Variants in RBFOX3 observed in about 807,000 individuals in gnomAD.
The protein encoded by RBFOX3 is RNA binding fox-1 homolog 3, also known as RNA binding protein fox-1 homolog 3.
A neutral mutation model predicts 48.7 loss-of-function variants in RBFOX3; 17 were observed. The observed-to-expected ratio is 0.35, with a 90% CI of 0.24 to 0.52. The LOEUF (loss-of-function observed/expected upper bound fraction) is 0.52. Among genes scored for constraint, RBFOX3 ranks in the 20% least tolerant of loss-of-function variants. The probability of loss-of-function intolerance (pLI) is 0.94; values close to 1 mark genes in which losing one functional copy is unlikely to be tolerated. For missense variants in RBFOX3, 382 were observed against 497.5 expected (o/e 0.77, Z 2.21); for synonymous variants, 212 against 209.5 (o/e 1.01, Z -0.10).
intron 1 of RBFOX3, among the ~76,000 whole-genome samples, chr17:79,578,235 G>A (rs1009449274): frequency 6.6e-6 from 1 of 152,380 alleles, no homozygotes; most frequent in East Asian, 1.9e-4. Flanking sequence ...GGGGAAATCA[G>A]GAGCTTTGCA....
intron 2 of RBFOX3, among the ~76,000 whole-genome samples, chr17:79,474,824 C>T (rs1224708056): frequency 6.6e-6 from 1 of 152,124 alleles, no homozygotes; most frequent in Non-Finnish European, 1.5e-5. Flanking sequence ...AGCACCCGTG[C>T]CCACCCAAAA....
chr17:79,454,499 C>T (rs1274761355), intron 2 of RBFOX3, among the ~76,000 whole-genome samples: 1 of 152,174 alleles, frequency 6.6e-6, no homozygotes, highest in African/African-American at 2.4e-5. Flanking sequence ...GCCCACCAAG[C>T]CCTCCCAGCA....
chr17:79,385,549 A>G (rs1353538352), intron 2 of RBFOX3, among the ~76,000 whole-genome samples: 4 of 152,118 alleles, frequency 2.6e-5, no homozygotes, highest in Non-Finnish European at 5.9e-5. Context: ...CTGGTCCCCC[A>G]TGCCCATCTG....
At chr17:79,556,982 G>A (rs1404390792) in intron 1 of RBFOX3, among the ~76,000 whole-genome samples, 1 of 152,152 alleles carries the variant, frequency 6.6e-6, no homozygotes, top group African/African-American at 2.4e-5. Flanking sequence ...GGTGGCTCAT[G>A]CCTATAATTC....
chr17:79,486,292 T>G (rs2079591306), intron 1 of RBFOX3, among the ~76,000 whole-genome samples: 2 of 151,898 alleles, frequency 1.3e-5, no homozygotes, highest in South Asian at 2.1e-4. Context: ...CCCCACTTCC[T>G]GGGGACAAAA....
At chr17:79,548,882 G>A (rs1037736631) in intron 1 of RBFOX3, among the ~76,000 whole-genome samples, 1 of 152,232 alleles carries the variant, frequency 6.6e-6, no homozygotes, top group African/African-American at 2.4e-5. Flanking sequence ...AAGCCTGCAA[G>A]CTAGCAAGTG....
chr17:79,660,548 T>C, the RBFOX3 span, among the ~76,000 whole-genome samples: 2 of 152,010 alleles, frequency 1.3e-5, no homozygotes, highest in Non-Finnish European at 2.9e-5. Context: ...GAAAAAAAGC[T>C]CAACATCACT....
chr17:79,119,910 A>G (rs149508173), intron 4 of RBFOX3, among the ~76,000 whole-genome samples: 2 of 152,328 alleles, frequency 1.3e-5, no homozygotes, highest in East Asian at 1.9e-4. Flanking sequence ...GGAGACTGAC[A>G]TGCAGCCCTG....
intron 14 of RBFOX3, chr17:79,092,306 C>G: frequency 1.0e-6 from 1 of 985,514 alleles, no homozygotes; most frequent in Non-Finnish European, 1.2e-6. Context: ...CACACCGTAC[C>G]TGCAATGGCT....
chr17:79,579,371 C>G (rs1278414398), intron 1 of RBFOX3, among the ~76,000 whole-genome samples: 1 of 152,216 alleles, frequency 6.6e-6, no homozygotes, highest in Non-Finnish European at 1.5e-5. Flanking sequence ...AGCCGGTTTG[C>G]TCCCCAAAAC....
intron 2 of RBFOX3, among the ~76,000 whole-genome samples, chr17:79,422,121 G>T (rs2066506670): frequency 6.6e-6 from 1 of 152,106 alleles, no homozygotes; most frequent in Admixed American, 6.5e-5. Flanking sequence ...GTGTGGGCCG[G>T]GGAGGAGAGG....
intron 1 of RBFOX3, among the ~76,000 whole-genome samples, chr17:79,546,404 TC>T (rs1258675106): frequency 6.6e-6 from 1 of 152,182 alleles, no homozygotes; most frequent in Non-Finnish European, 1.5e-5. Context: ...GAAGTGTGGC[TC>T]TGAATAAGCA....
intron 1 of RBFOX3, among the ~76,000 whole-genome samples, chr17:79,557,111 G>T (rs1029141823): frequency 2.0e-5 from 3 of 151,804 alleles, no homozygotes; most frequent in Admixed American, 6.6e-5. Flanking sequence ...CAGGCATGGT[G>T]GTGGACACCT....
At chr17:79,231,888 T>C (rs772876013) in intron 4 of RBFOX3, among the ~76,000 whole-genome samples, 7 of 152,328 alleles carry the variant, frequency 4.6e-5, no homozygotes, top group Non-Finnish European at 1.0e-4. Context: ...CATGCTGCTA[T>C]GAAGAAATAC....
intron 2 of RBFOX3, among the ~76,000 whole-genome samples, chr17:79,332,790 G>C (rs925107018): frequency 4.0e-5 from 6 of 151,552 alleles, no homozygotes; most frequent in Admixed American, 3.9e-4. Context: ...GACAGAGAGG[G>C]AGACAGAGCC....
At chr17:79,512,108 AG>A (rs1347154518) in intron 1 of RBFOX3, among the ~76,000 whole-genome samples, 1 of 134,498 alleles carries the variant, frequency 7.4e-6, no homozygotes, top group African/African-American at 2.8e-5. Flanking sequence ...CCCCATGGCC[AG>A]GGGACACCCA....
Position 79,571,716 on chromosome 17 carries a change from C to T in RBFOX3, c.-320+39110G>A, listed in dbSNP as rs975912478. Among the ~76,000 whole-genome samples, 175 of 152,210 alleles carry T rather than the reference C, an allele frequency of 1.1e-3. 1 individual carries two copies. The highest frequency in any genetic ancestry group is 7.1e-3 in the South Asian group (34 of 4,818). Reference sequence around the variant, plus strand: ...ACCAAGCAAGGGTGGTGGGTCAGGACGCAGCCGACCTGGCCAAGACTGGAT... The same window carrying T: ...ACCAAGCAAGGGTGGTGGGTCAGGATGCAGCCGACCTGGCCAAGACTGGAT... On this transcript the variant is annotated intron_variant, in intron 1 of 14. Transcript: ENST00000693108.
intron 2 of RBFOX3, among the ~76,000 whole-genome samples, chr17:79,331,057 G>C (rs2080210155): frequency 6.6e-6 from 1 of 152,136 alleles, no homozygotes; most frequent in Non-Finnish European, 1.5e-5. Context: ...CAGCCCCCAG[G>C]CTCTAAGCAT....
At chr17:79,278,302 C>A (rs1311044118) in intron 3 of RBFOX3, among the ~76,000 whole-genome samples, 1 of 152,190 alleles carries the variant, frequency 6.6e-6, no homozygotes, top group Non-Finnish European at 1.5e-5. Flanking sequence ...AGGGCCTCTG[C>A]CCCCCTCCTC....
Sources: gnomAD v4.1 joint callset for allele counts (sites outside exome capture counted in the v4.1 genomes callset) on GRCh38, gnomAD v4.1.1 for gene constraint, MANE v1.5 for transcripts, NCBI Gene and HGNC (gene_info 2026-07-23, HGNC 2026-07-21) for gene names.